COQ2: variants seen among roughly 807,000 people sequenced by gnomAD.
COQ2 encodes the protein 4-hydroxybenzoate polyprenyltransferase, mitochondrial.
In COQ2, 25 loss-of-function variants were observed where a neutral mutation model predicts 35.7. The observed-to-expected ratio is 0.70, with a 90% CI of 0.51 to 0.98. The LOEUF is 0.98. Ranked by LOEUF, COQ2 falls within the 50% of genes least tolerant of loss-of-function variation. COQ2 has a pLI of 0.00. For missense variants in COQ2, 488 were observed against 473.5 expected, an observed-to-expected ratio of 1.03 and a Z score of -0.28; for synonymous variants, 206 against 186.2, an observed-to-expected ratio of 1.11 and a Z score of -0.86.
chr4:83,281,896 C>A (rs1735333216), intron 1 of COQ2, among the ~76,000 whole-genome samples: 1 of 152,066 alleles, frequency 6.6e-6, no homozygotes, highest in East Asian at 1.9e-4. Context: ...TCACTCTGTA[C>A]TCCCTAAATC....
intron 1 of COQ2, chr4:83,282,481 C>T (rs80188073): frequency 0.017 from 3,617 of 207,832 alleles, 144 homozygotes; most frequent in African/African-American, 0.079. Context: ...ATTTGTTGAG[C>T]GAATTCTAAC....
rs1560497573 is a variant in COQ2, at chr4:83,284,577, A to ACCG, written c.185_187dup (p.Ala62dup). 2 of 1,551,514 alleles carry ACCG rather than the reference A, an allele frequency of 1.3e-6. No individual in the cohort carries two copies. Among genetic ancestry groups the ACCG allele is most frequent in the Non-Finnish European group, 1.7e-6 (2 of 1,150,418 alleles). ...CAGGGGGCGGGGCGCAGAGTCCACCACCGCCGCCGCGGACAAACTGAGCTG... is the reference window on the plus strand; with the variant it reads ...CAGGGGGCGGGGCGCAGAGTCCACCACCGCCGCCGCCGCGGACAAACTGAGCTG... On this transcript the variant is annotated inframe_insertion, in exon 1 of 7. Coordinates refer to ENST00000647002, the MANE Select transcript of COQ2 (RefSeq NM_001358921.2).
chr4:83,273,229 G>C (rs1177598081), intron 3 of COQ2, among the ~76,000 whole-genome samples: 1 of 152,192 alleles, frequency 6.6e-6, no homozygotes, highest in African/African-American at 2.4e-5. Flanking sequence ...GAAAACCTAT[G>C]AAATTGCCTT....
At position 83,275,359 on chromosome 4, in the gene COQ2, C is replaced by A. The variant is rs1315217290; in HGVS notation, c.421-1742G>T. ...GGAGATGCTGCCTAATTGCTACCAG[C>A]TGGGGTTACAAGCTCACGTTCCCAA... On this transcript the variant is annotated intron_variant, in intron 2 of 6. Transcript: ENST00000647002. Among the ~76,000 whole-genome samples, 10 of 151,734 alleles carry A rather than the reference C, an allele frequency of 6.6e-5. No homozygotes were observed. In the East Asian group the frequency reaches 1.7e-3, roughly 26 times the overall value.
chr4:83,272,237 T>G, intron 3 of COQ2, 65 bp from the exon 4 acceptor site: 1 of 892,938 alleles, frequency 1.1e-6, no homozygotes, highest in Non-Finnish European at 1.7e-6. Flanking sequence ...CGAAATACTT[T>G]AAGACAATGA....
chr4:83,274,679 G>A (rs936905945), intron 2 of COQ2, among the ~76,000 whole-genome samples: 1 of 152,134 alleles, frequency 6.6e-6, no homozygotes, highest in African/African-American at 2.4e-5. Context: ...TATCGTGTCT[G>A]GAGGTTGCTC....
chr4:83,265,759 G>C (rs1025282299), intron 6 of COQ2, among the ~76,000 whole-genome samples: 3 of 151,832 alleles, frequency 2.0e-5, no homozygotes, highest in Non-Finnish European at 4.4e-5. Flanking sequence ...TGCCTCCCAG[G>C]TTTCAAGTGA....
At chr4:83,271,329 T>A (rs1367037229) in intron 4 of COQ2, among the ~76,000 whole-genome samples, 1 of 152,318 alleles carries the variant, frequency 6.6e-6, no homozygotes, top group Middle Eastern at 3.4e-3. Flanking sequence ...TAGAATCCTA[T>A]GGTAGCCCAG....
At chr4:83,272,655 T>C (rs1386121885) in intron 3 of COQ2, among the ~76,000 whole-genome samples, 2 of 152,188 alleles carry the variant, frequency 1.3e-5, no homozygotes, top group African/African-American at 4.8e-5. Flanking sequence ...AAATGTTAAC[T>C]ACCAAATGTT....
At chr4:83,267,242 T>C (rs1450910125) in intron 6 of COQ2, 1 of 453,646 alleles carries the variant, frequency 2.2e-6, no homozygotes, top group Non-Finnish European at 4.4e-6. Context: ...CCAGGCATGG[T>C]GGTGCATGAC....
chr4:83,280,409 A>G lies in COQ2; in HGVS notation c.254-1295T>C, dbSNP rs1398670196. ...TGAAGAAAAATGGTCAAATGACTAA[A>G]GTCCCTGTAATCATGTTTAAGCTTC... On this transcript the variant is annotated intron_variant, in intron 1 of 6. Transcript: ENST00000647002. Among the ~76,000 whole-genome samples the G allele has an allele frequency of 1.2e-4, 18 of 152,248 alleles. 1 individual carries two copies. Among genetic ancestry groups the G allele is most frequent in the Admixed American group, 1.2e-3 (18 of 15,284 alleles).
At chr4:83,278,329 T>A (rs1428306968) in intron 2 of COQ2, among the ~76,000 whole-genome samples, 1 of 151,290 alleles carries the variant, frequency 6.6e-6, no homozygotes, top group Non-Finnish European at 1.5e-5. Context: ...TTAGAACAGG[T>A]ACAAAAAAAA....
intron 4 of COQ2, among the ~76,000 whole-genome samples, chr4:83,270,248 T>G (rs1560492847): frequency 6.6e-6 from 1 of 152,060 alleles, no homozygotes; most frequent in Non-Finnish European, 1.5e-5. Context: ...TAATATCCCC[T>G]AATTAAGTAA....
rs997317485 is a variant in COQ2, at chr4:83,279,112, T to C, written c.256A>G (p.Thr86Ala). ...GTACATGGTAAATACAGAAGCCAGG[T>C]TCCTAAGCAAAAATAAAAAGACAAA... ...RLMRLDKPIGTWLLYLPCTWS... is the reference protein window; with the variant it reads ...RLMRLDKPIGAWLLYLPCTWS... The change falls in exon 2 of 7, where the codon ACC becomes GCC. Residue 86 changes from threonine to alanine, a missense_variant and splice_region_variant. By Grantham distance (58) the Thr-to-Ala change is moderately conservative (BLOSUM62 0). Transcript: ENST00000647002. 3 of 1,546,238 alleles carry C rather than the reference T, an allele frequency of 1.9e-6. No individual in the cohort carries two copies. Among genetic ancestry groups the C allele is most frequent in the African/African-American group, 2.8e-5 (2 of 71,956 alleles).
intron 2 of COQ2, among the ~76,000 whole-genome samples, chr4:83,278,021 C>CGT (rs1735227392): frequency 8.1e-6 from 1 of 123,868 alleles, no homozygotes; most frequent in Non-Finnish European, 1.7e-5. Flanking sequence ...CACACACACA[C>CGT]ACGTAACACT....
In COQ2 at chr4:83,272,106, G is replaced by A. The variant is rs1387439429; in HGVS notation, c.609C>T (p.Tyr203=). 3 of 1,608,322 alleles carry A rather than the reference G, an allele frequency of 1.9e-6. No individual in the cohort carries two copies. The South Asian group carries it at 3.3e-5, about 18-fold the overall frequency. ...ITYPLMKRIS[Y]WPQLALGLTF... Reference sequence around the variant, plus strand: ...GCTCACCCAAGGCTAGTTGAGGCCAGTATGAAATTCTTTTCATTAGTGGGT... The same window carrying A: ...GCTCACCCAAGGCTAGTTGAGGCCAATATGAAATTCTTTTCATTAGTGGGT... The change falls in exon 4 of 7, where the codon TAC becomes TAT. Residue 203 remains tyrosine, a synonymous_variant. Transcript: ENST00000647002.
At chr4:83,284,114 TAATA>T (rs1423640859) in intron 1 of COQ2, 9 of 985,454 alleles carry the variant, frequency 9.1e-6, no homozygotes, top group Non-Finnish European at 1.1e-5. Context: ...TCAAACATTC[TAATA>T]AATGAAGGAG....
intron 5 of COQ2, among the ~76,000 whole-genome samples, chr4:83,268,380 T>C (rs1461139456): frequency 6.6e-6 from 1 of 152,230 alleles, no homozygotes; most frequent in Non-Finnish European, 1.5e-5. Flanking sequence ...GCAAGTTTAC[T>C]TGTAAGCATC....
Position 83,264,329 on chromosome 4 carries a change from C to A in COQ2, c.986G>T (p.Cys329Phe). 6.2e-7 allele frequency: 1 copy of A among 1,612,492 alleles called. No homozygotes were observed. The highest frequency in any genetic ancestry group is 8.5e-7 in the Non-Finnish European group (1 of 1,179,328). Residue 329 changes from cysteine to phenylalanine, a missense_variant, in exon 7 of 7, where the codon TGT becomes TTT. Coordinates refer to ENST00000647002, the MANE Select transcript of COQ2 (RefSeq NM_001358921.2). ...YTLDIHRPED[C>F]WNKFISNRTL... ...TCGGTTGGAGATAAATTTATTCCAA[C>A]AATCCTCAGGTCTGTGGATGTCTAG...
Sources: gnomAD v4.1 joint callset for allele counts (sites outside exome capture counted in the v4.1 genomes callset) on GRCh38, gnomAD v4.1.1 for gene constraint, MANE v1.5 for transcripts, NCBI Gene and HGNC (gene_info 2026-07-23, HGNC 2026-07-21) for gene names.